The following ENOX2 variants were observed in gnomAD, a reference collection of about 807,000 sequenced individuals.
ENOX2 encodes ecto-NOX disulfide-thiol exchanger 2, also known as APK1 antigen.
Under a neutral mutation model 45.0 loss-of-function variants are expected in ENOX2, and 36 were observed. That is an observed-to-expected ratio of 0.80 (90% CI 0.61 to 1.06). The LOEUF is 1.06. ENOX2 is among the 50% of genes least tolerant of loss of function. The probability of loss-of-function intolerance (pLI) is 0.00; values close to 1 mark genes in which losing one functional copy is unlikely to be tolerated. For synonymous variants in ENOX2, 174 were observed against 152.3 expected, an observed-to-expected ratio of 1.14 and a Z score of -1.05; for missense variants, 423 against 462.5, an observed-to-expected ratio of 0.91 and a Z score of 0.78.
chrX:130,744,059 T>C (rs1425449852), intron 3 of ENOX2, among the ~76,000 whole-genome samples: 1 of 112,113 alleles, frequency 8.9e-6, no homozygotes, highest in African/African-American at 3.2e-5. Context: ...TGACATATCA[T>C]TTCATGGAAT....
At chrX:130,758,653 C>T (rs184679876) in intron 3 of ENOX2, among the ~76,000 whole-genome samples, 141 of 112,159 alleles carry the variant, frequency 1.3e-3, no homozygotes, top group Non-Finnish European at 2.2e-3. Flanking sequence ...GCCAAACTTT[C>T]TCCCCATGGC....
chrX:130,709,208 A>G lies in ENOX2; in HGVS notation c.-38-5954T>C, dbSNP rs185574673. On this transcript the variant is annotated intron_variant, in intron 3 of 14. Transcript: ENST00000394363. ...GTGTGTTTTTAAATAAGAGAACTCT[A>G]CAAGAACTCAGCAACTGTACAAAGT... 145 of 1,148,701 alleles carry G rather than the reference A, an allele frequency of 1.3e-4. No homozygotes were observed. In the African/African-American group the frequency reaches 2.1e-3, roughly 16 times the overall value. 94.7% of individuals were successfully genotyped at this position (1,148,701 alleles called of 1,213,427 possible).
At chrX:130,763,902 G>C (rs1383458631) in intron 3 of ENOX2, among the ~76,000 whole-genome samples, 3 of 110,531 alleles carry the variant, frequency 2.7e-5, no homozygotes, top group Non-Finnish European at 5.7e-5. Flanking sequence ...GGCTAGAGTA[G>C]AGAGCTTAGC....
intron 3 of ENOX2, among the ~76,000 whole-genome samples, chrX:130,723,653 C>G (rs1387096469): frequency 8.9e-6 from 1 of 111,840 alleles, no homozygotes; most frequent in Non-Finnish European, 1.9e-5. Context: ...AAATATTACT[C>G]TTCATTGCAG....
rs553119923 is a variant in ENOX2, at chrX:130,808,405, A to T, written c.-182-24715T>A. Among the ~76,000 whole-genome samples the T allele has an allele frequency of 7.2e-4, 81 of 111,884 alleles. 2 individuals are homozygous for T. The highest frequency in any genetic ancestry group is 2.5e-3 in the African/African-American group (78 of 30,850). On this transcript the variant is annotated intron_variant, in intron 2 of 14. Transcript: ENST00000394363. ...ACAACAAAAACTAAGACTTCTTTACATAGCCCCTTCTAATCTTGGGATATA... is the reference window on the plus strand; with the variant it reads ...ACAACAAAAACTAAGACTTCTTTACTTAGCCCCTTCTAATCTTGGGATATA...
At chrX:130,692,471 A>C (rs779135253) in intron 4 of ENOX2, among the ~76,000 whole-genome samples, 1 of 110,687 alleles carries the variant, frequency 9.0e-6, no homozygotes. Flanking sequence ...ATCCTGTTCT[A>C]TTTTGCTTTT....
intron 2 of ENOX2, 63 bp from the exon 3 acceptor site, chrX:130,783,753 T>A: frequency 4.2e-6 from 1 of 236,204 alleles, no homozygotes. Context: ...TCTCCAGATT[T>A]TATTATATGA....
intron 11 of ENOX2, among the ~76,000 whole-genome samples, 167 bp from the exon 12 acceptor site, chrX:130,635,258 G>A (rs1232965175): frequency 2.7e-5 from 3 of 111,945 alleles, no homozygotes; most frequent in African/African-American, 3.2e-5. Flanking sequence ...TTCACTTTAC[G>A]TTATTTTGTC....
intron 10 of ENOX2, among the ~76,000 whole-genome samples, chrX:130,652,524 T>G (rs1395698773): frequency 8.9e-6 from 1 of 112,494 alleles, no homozygotes; most frequent in Non-Finnish European, 1.9e-5. Context: ...ATCTACTATC[T>G]GCAGTTCATC....
At chrX:130,630,447 T>C (rs2035668081) in intron 13 of ENOX2, among the ~76,000 whole-genome samples, 1 of 110,575 alleles carries the variant, frequency 9.0e-6, no homozygotes, top group South Asian at 3.9e-4. Context: ...TAATCACCAA[T>C]AGCCAGTGAT....
At chrX:130,669,485 T>G (rs1384812800) in intron 7 of ENOX2, among the ~76,000 whole-genome samples, 1 of 112,212 alleles carries the variant, frequency 8.9e-6, no homozygotes, top group African/African-American at 3.2e-5. Context: ...CTAAGAAGAA[T>G]GTACAGCATG....
At chrX:130,665,330 A>G (rs1376158859) in intron 9 of ENOX2, among the ~76,000 whole-genome samples, 3 of 112,360 alleles carry the variant, frequency 2.7e-5, no homozygotes, top group African/African-American at 9.7e-5. Flanking sequence ...AGCGCAGGTC[A>G]GTAATTATTG....
intron 2 of ENOX2, among the ~76,000 whole-genome samples, chrX:130,870,410 C>T (rs1049594597): frequency 9.0e-6 from 1 of 111,521 alleles, no homozygotes; most frequent in African/African-American, 3.3e-5. Flanking sequence ...ACATGTAATC[C>T]GGCATCTTCT....
At chrX:130,737,769 A>G in intron 3 of ENOX2, among the ~76,000 whole-genome samples, 1 of 112,010 alleles carries the variant, frequency 8.9e-6, no homozygotes, top group Non-Finnish European at 1.9e-5. Flanking sequence ...CCTGAGGAAC[A>G]GTCCACAACA....
chrX:130,676,803 C>G (rs187776676), intron 6 of ENOX2, among the ~76,000 whole-genome samples: 2 of 111,654 alleles, frequency 1.8e-5, no homozygotes, highest in South Asian at 3.8e-4. Context: ...TTACAACAGG[C>G]TTCTAACTGA....
intron 2 of ENOX2, among the ~76,000 whole-genome samples, chrX:130,852,914 T>C (rs1018095726): frequency 4.5e-5 from 5 of 110,985 alleles, no homozygotes; most frequent in African/African-American, 1.6e-4. Flanking sequence ...GAGTCTCTAG[T>C]TTCAAGACAA....
chrX:130,817,943 AG>A (rs1372293676), intron 2 of ENOX2, among the ~76,000 whole-genome samples: 8 of 111,561 alleles, frequency 7.2e-5, no homozygotes, highest in African/African-American at 1.6e-4. Flanking sequence ...AAAGAAATAA[AG>A]GGTATTCAAA....
intron 10 of ENOX2, among the ~76,000 whole-genome samples, chrX:130,654,520 T>C (rs2036493190): frequency 9.0e-6 from 1 of 111,511 alleles, no homozygotes; most frequent in Non-Finnish European, 1.9e-5. Flanking sequence ...AGCTAAAACA[T>C]GTAGCCACTT....
At chrX:130,723,924 T>G (rs998060884) in intron 3 of ENOX2, among the ~76,000 whole-genome samples, 1 of 111,841 alleles carries the variant, frequency 8.9e-6, no homozygotes, top group Admixed American at 9.5e-5. Context: ...AAAACTTTGA[T>G]GGCAGGGATG....
Sources: gnomAD v4.1 joint callset for allele counts (sites outside exome capture counted in the v4.1 genomes callset) on GRCh38, gnomAD v4.1.1 for gene constraint, MANE v1.5 for transcripts, NCBI Gene and HGNC (gene_info 2026-07-23, HGNC 2026-07-21) for gene names.